Variants in PAN3 observed in about 807,000 individuals in gnomAD.
PAN3 encodes poly(A) specific ribonuclease subunit PAN3, also known as PAN2-PAN3 deadenylation complex subunit PAN3.
PAN3 carries 19 observed loss-of-function variants against 96.2 expected under a neutral mutation model. The observed-to-expected ratio is 0.20, with a 90% CI of 0.14 to 0.29. The LOEUF (loss-of-function observed/expected upper bound fraction) is 0.29, where lower values mean the gene tolerates loss of function less well. PAN3 is among the 10% of genes least tolerant of loss of function. The pLI is 1.00. For missense variants in PAN3, 882 were observed against 1,108.1 expected, an observed-to-expected ratio of 0.80 and a Z score of 2.90; for synonymous variants, 433 against 406.6, an observed-to-expected ratio of 1.06 and a Z score of -0.78.
chr13:28,256,272 C>A lies in PAN3; in HGVS notation c.1001-20C>A, dbSNP rs1474684392. The A allele has an allele frequency of 1.2e-6, 2 of 1,601,792 alleles. No individual in the cohort carries two copies. Among genetic ancestry groups the A allele is most frequent in the African/African-American group, 2.7e-5 (2 of 74,394 alleles). On this transcript the variant is annotated intron_variant, in intron 6 of 18. Transcript: ENST00000380958. The stretch of plus-strand genomic sequence containing the variant: ...AACCAATTATTGCTCCATTAAGAAA[C>A]ATTTTTACATCTTCTTCAGGAATGT...
At chr13:28,269,430 T>C (rs1287156065) in intron 12 of PAN3, among the ~76,000 whole-genome samples, 2 of 152,110 alleles carry the variant, frequency 1.3e-5, no homozygotes, top group African/African-American at 4.8e-5. Context: ...GCCTACCATT[T>C]TCTTACACTA....
Position 28,152,174 on chromosome 13 carries a change from G to A in PAN3, c.430+13087G>A, listed in dbSNP as rs917577971. On this transcript the variant is annotated intron_variant, in intron 1 of 18. Transcript: ENST00000380958. ...CCATCACATTTAATAACTATTTCAT[G>A]AGATAGATACTGTTTTCATTTGACA... 3.9e-5 allele frequency among the ~76,000 whole-genome samples: 6 copies of A among 152,226 alleles called. No homozygotes were observed. In the East Asian group the frequency reaches 9.6e-4, roughly 24 times the overall value.
intron 4 of PAN3, among the ~76,000 whole-genome samples, chr13:28,179,861 A>G (rs914606803): frequency 3.9e-5 from 6 of 152,128 alleles, no homozygotes; most frequent in African/African-American, 1.4e-4. Flanking sequence ...AGCTCCTGAC[A>G]TTTACTTTTG....
chr13:28,153,775 A>C (rs1871716636), intron 1 of PAN3, among the ~76,000 whole-genome samples: 1 of 152,216 alleles, frequency 6.6e-6, no homozygotes, highest in Admixed American at 6.5e-5. Flanking sequence ...GATTTAGCAA[A>C]ATAATTGGAA....
At chr13:28,227,849 G>A (rs1007023801) in intron 6 of PAN3, among the ~76,000 whole-genome samples, 29 of 152,200 alleles carry the variant, frequency 1.9e-4, no homozygotes, top group African/African-American at 7.0e-4. Flanking sequence ...TTTCATAGGT[G>A]GAGATGAGGG....
intron 18 of PAN3, among the ~76,000 whole-genome samples, chr13:28,289,709 G>A (rs562591600): frequency 1.4e-3 from 210 of 152,190 alleles, no homozygotes; most frequent in Non-Finnish European, 2.0e-3. Context: ...GTGAAACCCC[G>A]TCCCTACTAA....
rs914375866 is a variant in PAN3, at chr13:28,295,084, G to A, written c.*2562G>A. 7 of 152,132 alleles carry A rather than the reference G, an allele frequency of 4.6e-5. No homozygotes were observed. Among genetic ancestry groups the A allele is most frequent in the Admixed American group, 1.3e-4 (2 of 15,278 alleles). The allele number at this position is 152,132 out of a possible 1,614,324, so 9.4% of individuals were successfully genotyped here. On this transcript the variant is annotated 3_prime_UTR_variant, in exon 19 of 19. Coordinates refer to ENST00000380958, the MANE Select transcript of PAN3 (RefSeq NM_175854.8). ...AGGACAACCCTTGAAATCATGTAACGTTGGTCATTTCAATATTTTGTACCT... is the reference window on the plus strand; with the variant it reads ...AGGACAACCCTTGAAATCATGTAACATTGGTCATTTCAATATTTTGTACCT...
chr13:28,279,090 T>C (rs1241635460), intron 15 of PAN3, among the ~76,000 whole-genome samples: 2 of 150,932 alleles, frequency 1.3e-5, no homozygotes, highest in East Asian at 3.9e-4. Context: ...AAGGAGTGAG[T>C]AGGAGGCTGC....
At chr13:28,154,821 T>C (rs1418629454) in intron 1 of PAN3, among the ~76,000 whole-genome samples, 1 of 146,000 alleles carries the variant, frequency 6.8e-6, no homozygotes, top group African/African-American at 2.6e-5. Flanking sequence ...TTTTTTTTTT[T>C]TCTTTTCTTT....
At chr13:28,196,822 A>G (rs1593453144) in intron 4 of PAN3, among the ~76,000 whole-genome samples, 2 of 152,192 alleles carry the variant, frequency 1.3e-5, no homozygotes, top group African/African-American at 4.8e-5. Flanking sequence ...ATTTCTTCAT[A>G]TTGCAGTGAG....
rs1305888984 is a variant in PAN3, at chr13:28,139,022, CG to C, written c.369del (p.Thr124ProfsTer29). The C allele has an allele frequency of 8.7e-6, 11 of 1,269,834 alleles. No homozygotes were observed. Among genetic ancestry groups the C allele is most frequent in the South Asian group, 2.7e-5 (1 of 37,708 alleles). The allele number at this position is 1,269,834 out of a possible 1,614,324, so 78.7% of individuals were successfully genotyped here. A position where few individuals can be genotyped will look rare whatever the true frequency, so the allele number is the denominator to read the frequency against. On this transcript the variant is annotated frameshift_variant, in exon 1 of 19. Coordinates refer to ENST00000380958, the MANE Select transcript of PAN3 (RefSeq NM_175854.8). LOFTEE classifies it high-confidence loss of function. ...CCCAAGAAGCCGGACCTGGGGGACCCGGGGACCGGAGCCGCAGCCGGCGGAG... is the reference window on the plus strand; with the variant it reads ...CCCAAGAAGCCGGACCTGGGGGACCCGGGACCGGAGCCGCAGCCGGCGGAG... The part of the protein sequence containing the change: ...PGPKKPDLGD[P>X]GTGAAAGGGG...
chr13:28,276,699 C>T lies in PAN3; in HGVS notation c.2050-538C>T, dbSNP rs546772826. 2.5e-4 allele frequency among the ~76,000 whole-genome samples: 38 copies of T among 152,216 alleles called. No individual in the cohort carries two copies. The South Asian group carries it at 6.4e-3, about 26-fold the overall frequency. ...TTTTTGATGTTCTAGAGAATTTGCT[C>T]TAAAATCTGGTTAATGCTAATGTTT... is the stretch of plus-strand genomic sequence containing the variant. On this transcript the variant is annotated intron_variant, in intron 14 of 18. Coordinates refer to ENST00000380958, the MANE Select transcript of PAN3 (RefSeq NM_175854.8).
chr13:28,271,861 G>A, intron 13 of PAN3, 120 bp from the exon 14 acceptor site: 1 of 600,054 alleles, frequency 1.7e-6, no homozygotes, highest in Non-Finnish European at 2.7e-6. Context: ...GGGTAGGATG[G>A]AAGTTAAACT....
chr13:28,217,580 CAAAAAACAAAA>C (rs145185094), intron 5 of PAN3, among the ~76,000 whole-genome samples: 21,131 of 129,432 alleles, frequency 0.16, 1,788 homozygotes, highest in East Asian at 0.34. Flanking sequence ...GATTCTGTCT[CAAAAAACAAAA>C]AAAAAACAAA....
intron 4 of PAN3, among the ~76,000 whole-genome samples, chr13:28,184,514 C>A (rs1206447639): frequency 6.6e-6 from 1 of 151,924 alleles, no homozygotes; most frequent in Non-Finnish European, 1.5e-5. Flanking sequence ...TAACCTTATG[C>A]CTGCTTCTTT....
chr13:28,140,315 G>T (rs1362690831), intron 1 of PAN3, among the ~76,000 whole-genome samples: 1 of 152,152 alleles, frequency 6.6e-6, no homozygotes, highest in Non-Finnish European at 1.5e-5. Flanking sequence ...AATAGAGCCG[G>T]TGCCAGATGT....
At chr13:28,271,449 A>T (rs1284387810) in intron 13 of PAN3, among the ~76,000 whole-genome samples, 2 of 152,198 alleles carry the variant, frequency 1.3e-5, no homozygotes, top group East Asian at 3.8e-4. Flanking sequence ...TTAAGTTCAT[A>T]TCCTGGCTTT....
chr13:28,257,544 A>G (rs1049763749), intron 7 of PAN3, among the ~76,000 whole-genome samples: 11 of 150,794 alleles, frequency 7.3e-5, no homozygotes, highest in Non-Finnish European at 1.6e-4. Flanking sequence ...CCCACTCCCC[A>G]TTGCTCTCAT....
chr13:28,235,992 A>G (rs1231605991), intron 6 of PAN3, among the ~76,000 whole-genome samples: 1 of 151,442 alleles, frequency 6.6e-6, no homozygotes, highest in African/African-American at 2.4e-5. Flanking sequence ...TCCACCTCCC[A>G]GAGTATTGGG....
Sources: allele counts gnomAD v4.1 joint callset (sites outside exome capture counted in the v4.1 genomes callset), GRCh38; gene constraint gnomAD v4.1.1; transcripts MANE v1.5; gene names NCBI Gene and HGNC (gene_info 2026-07-23, HGNC 2026-07-21).